The following FAM169A variants were observed in gnomAD, a reference collection of about 807,000 sequenced individuals.
FAM169A encodes family with sequence similarity 169 member A.
In FAM169A, 24 loss-of-function variants were observed where a neutral mutation model predicts 75.7. The ratio of observed to expected loss-of-function variants is 0.32; its 90% CI spans 0.23 to 0.45. The LOEUF (loss-of-function observed/expected upper bound fraction) is 0.45, where lower values mean the gene tolerates loss of function less well. FAM169A is among the 20% of genes least tolerant of loss of function. FAM169A has a pLI of 1.00. For missense variants in FAM169A, 673 were observed against 784.0 expected (o/e 0.86, Z 1.69); for synonymous variants, 271 against 271.0 (o/e 1.00, Z 0.00).
chr5:74,838,546 T>C (rs1561317190), intron 4 of FAM169A, among the ~76,000 whole-genome samples: 1 of 152,160 alleles, frequency 6.6e-6, no homozygotes, highest in Non-Finnish European at 1.5e-5. Context: ...GCTTGCTCTC[T>C]CCTGAACCTG....
At chr5:74,847,341 G>A (rs964916187) in intron 1 of FAM169A, among the ~76,000 whole-genome samples, 5 of 142,574 alleles carry the variant, frequency 3.5e-5, no homozygotes, top group Admixed American at 1.5e-4. Flanking sequence ...TCCTGTCTAC[G>A]AATTGGACTA....
intron 6 of FAM169A, among the ~76,000 whole-genome samples, chr5:74,813,303 T>C (rs1421507816): frequency 6.6e-6 from 1 of 152,066 alleles, no homozygotes; most frequent in Non-Finnish European, 1.5e-5. Context: ...GGGCAAATAT[T>C]ATGGCATATG....
In FAM169A at chr5:74,787,296, G is replaced by T. The variant is rs144686991; in HGVS notation, c.1261-4162C>A. On this transcript the variant is annotated intron_variant, in intron 11 of 12. Coordinates refer to ENST00000687041, the MANE Select transcript of FAM169A (RefSeq NM_001376049.1). Reference sequence around the variant, plus strand: ...GTTGCTGCTCAGGGAATTTAAAAAGGTTCTAATAGCTTGATTGCTTGGTTA... The same window carrying T: ...GTTGCTGCTCAGGGAATTTAAAAAGTTTCTAATAGCTTGATTGCTTGGTTA... Among the ~76,000 whole-genome samples the T allele has an allele frequency of 4.3e-4, 65 of 152,268 alleles. 1 individual carries two copies. The East Asian group carries it at 9.1e-3, about 21-fold the overall frequency.
rs1745215862 is a variant in FAM169A, at chr5:74,778,154, C to T, written c.*3306G>A. 1 of 151,716 alleles carries T rather than the reference C, an allele frequency of 6.6e-6. No individual in the cohort carries two copies. The highest frequency in any genetic ancestry group is 1.5e-5 in the Non-Finnish European group (1 of 67,816). 9.4% of individuals were successfully genotyped at this position (151,716 alleles called of 1,614,324 possible). A position where few individuals can be genotyped will look rare whatever the true frequency, so the allele number is the denominator to read the frequency against. ...ACCAAAAATACTATCTTGTAAGGTA[C>T]AAAGAAAGCTTGATATTAAGTATGA... On this transcript the variant is annotated 3_prime_UTR_variant, in exon 13 of 13. Coordinates refer to ENST00000687041, the MANE Select transcript of FAM169A (RefSeq NM_001376049.1).
chr5:74,851,899 A>T (rs1420886883), intron 1 of FAM169A, among the ~76,000 whole-genome samples: 1 of 152,326 alleles, frequency 6.6e-6, no homozygotes, highest in East Asian at 1.9e-4. Flanking sequence ...GTTAACAGGG[A>T]TTGGACATAG....
rs766795583 is a variant in FAM169A, at chr5:74,800,891, A to C, written c.1092T>G (p.Ala364=). ...DEKTSQTSLT[A]SINKLESTAR... ...CAACAATTATTTACTTGTTTATTGAAGCTGTAAGTGAAGTCTGGGAGGTCT... is the reference window on the plus strand; with the variant it reads ...CAACAATTATTTACTTGTTTATTGACGCTGTAAGTGAAGTCTGGGAGGTCT... The change falls in exon 10 of 13, where the codon GCT becomes GCG. Residue 364 remains alanine (A), a synonymous_variant. Coordinates refer to ENST00000687041, the MANE Select transcript of FAM169A (RefSeq NM_001376049.1). 7.0e-7 allele frequency: 1 copy of C among 1,433,006 alleles called. No individual in the cohort carries two copies. Among genetic ancestry groups the C allele is most frequent in the Non-Finnish European group, 9.2e-7 (1 of 1,087,500 alleles). 88.8% of individuals were successfully genotyped at this position (1,433,006 alleles called of 1,614,324 possible).
intron 1 of FAM169A, among the ~76,000 whole-genome samples, chr5:74,845,257 G>A (rs62366454): frequency 0.085 from 12,958 of 152,216 alleles, 688 homozygotes; most frequent in Admixed American, 0.17. Context: ...GGTGGTTCAC[G>A]CCTGTAATCC....
At chr5:74,832,068 C>T (rs1375867145) in intron 5 of FAM169A, among the ~76,000 whole-genome samples, 1 of 152,048 alleles carries the variant, frequency 6.6e-6, no homozygotes, top group Non-Finnish European at 1.5e-5. Context: ...TTTCCTTCAA[C>T]TGCAAAATAA....
intron 10 of FAM169A, among the ~76,000 whole-genome samples, chr5:74,796,696 G>A (rs1294423062): frequency 1.3e-5 from 2 of 151,378 alleles, no homozygotes; most frequent in Non-Finnish European, 2.9e-5. Flanking sequence ...GAGCCACAGC[G>A]CCCAGCCTGA....
intron 1 of FAM169A, among the ~76,000 whole-genome samples, chr5:74,844,906 TCTTGTTTTA>T (rs1056657103): frequency 1.3e-5 from 2 of 152,224 alleles, no homozygotes; most frequent in African/African-American, 4.8e-5. Context: ...GTATAGAATA[TCTTGTTTTA>T]AAAGTTACCT....
chr5:74,790,025 A>G (rs1745893874), intron 11 of FAM169A, among the ~76,000 whole-genome samples: 1 of 152,226 alleles, frequency 6.6e-6, no homozygotes, highest in Non-Finnish European at 1.5e-5. Context: ...GCAGCATTCC[A>G]TCATCAAATT....
At chr5:74,846,188 T>C (rs1201658659) in intron 1 of FAM169A, among the ~76,000 whole-genome samples, 1 of 152,222 alleles carries the variant, frequency 6.6e-6, no homozygotes, top group Non-Finnish European at 1.5e-5. Flanking sequence ...GGCTCAAGGA[T>C]TAATGTCATA....
chr5:74,784,631 A>AAT (rs1745593256), intron 11 of FAM169A, among the ~76,000 whole-genome samples: 4 of 144,858 alleles, frequency 2.8e-5, no homozygotes, highest in Admixed American at 7.1e-5. Flanking sequence ...AAAAAAAAAA[A>AAT]AATAGGCTGG....
In FAM169A at chr5:74,793,375, C is replaced by T. The variant is rs530949681; in HGVS notation, c.1260+2655G>A. Among the ~76,000 whole-genome samples the T allele has an allele frequency of 1.1e-4, 17 of 151,228 alleles. No individual in the cohort carries two copies. In the South Asian group the frequency reaches 3.6e-3, roughly 32 times the overall value. On this transcript the variant is annotated intron_variant, in intron 11 of 12. Coordinates refer to ENST00000687041, the MANE Select transcript of FAM169A (RefSeq NM_001376049.1). The stretch of plus-strand genomic sequence containing the variant: ...ATATAGACCATGGAATACTACTCAG[C>T]CACAAAAATGAATGAAATAATGGCA...
intron 11 of FAM169A, among the ~76,000 whole-genome samples, chr5:74,794,934 G>A (rs1746190936): frequency 6.6e-6 from 1 of 152,058 alleles, no homozygotes; most frequent in African/African-American, 2.4e-5. Flanking sequence ...ATGAAATAGA[G>A]GAAGCAGGAG....
chr5:74,850,246 T>G (rs976910723), intron 1 of FAM169A, among the ~76,000 whole-genome samples: 6 of 152,220 alleles, frequency 3.9e-5, no homozygotes, highest in Non-Finnish European at 7.3e-5. Context: ...AGCTAGTATT[T>G]GAACCCGGCA....
chr5:74,782,158 ATATGTG>A (rs1353358731), intron 12 of FAM169A, 150 bp from the exon 13 acceptor site: 4 of 616,314 alleles, frequency 6.5e-6, no homozygotes, highest in Non-Finnish European at 5.6e-6. Context: ...CTGTTCTGCT[ATATGTG>A]TATATATTCT....
intron 1 of FAM169A, among the ~76,000 whole-genome samples, chr5:74,860,416 T>G (rs533811942): frequency 2.1e-4 from 32 of 152,326 alleles, no homozygotes; most frequent in African/African-American, 7.7e-4. Context: ...CTTCTGTCCT[T>G]ATCACTATAT....
intron 11 of FAM169A, among the ~76,000 whole-genome samples, chr5:74,790,129 T>C (rs1392044262): frequency 1.3e-5 from 2 of 152,224 alleles, no homozygotes; most frequent in Non-Finnish European, 2.9e-5. Flanking sequence ...TCTCCACTGC[T>C]GCCACCCTGG....
Sources: gnomAD v4.1 joint callset for allele counts (sites outside exome capture counted in the v4.1 genomes callset) on GRCh38, gnomAD v4.1.1 for gene constraint, MANE v1.5 for transcripts, NCBI Gene and HGNC (gene_info 2026-07-23, HGNC 2026-07-21) for gene names.